Variants in SYNE2 observed in about 807,000 individuals in gnomAD.
SYNE2 encodes the protein spectrin repeat containing nuclear envelope protein 2.
A neutral mutation model predicts 856.3 loss-of-function variants in SYNE2; 431 were observed. That is an observed-to-expected ratio of 0.50 (90% CI 0.47 to 0.55). SYNE2 has a LOEUF of 0.55. SYNE2 is among the 20% of genes least tolerant of loss of function. The pLI is 0.00. For missense variants in SYNE2, 8,129 were observed against 8,023.2 expected (o/e 1.01, Z -0.50); for synonymous variants, 2,923 against 2,872.3 (o/e 1.02, Z -0.56).
At chr14:63,971,379 G>A (rs1186419312) in intron 11 of SYNE2, among the ~76,000 whole-genome samples, 1 of 152,042 alleles carries the variant, frequency 6.6e-6, no homozygotes, top group Non-Finnish European at 1.5e-5. Context: ...GCCTACTGAA[G>A]TGCTGGGATT....
chr14:64,173,692 T>G (rs946457091), intron 94 of SYNE2, among the ~76,000 whole-genome samples: 3 of 152,040 alleles, frequency 2.0e-5, no homozygotes, highest in African/African-American at 4.8e-5. Flanking sequence ...CACTGTAACC[T>G]CAAACTTCTG....
At chr14:63,766,933 A>G (rs1033539886) in intron 1 of SYNE2, among the ~76,000 whole-genome samples, 1 of 152,126 alleles carries the variant, frequency 6.6e-6, no homozygotes, top group African/African-American at 2.4e-5. Flanking sequence ...ACAAGATGCA[A>G]TGGGCAGAAG....
In SYNE2 at chr14:64,132,401, C is replaced by CA. The variant is rs758411243; in HGVS notation, c.14478dup (p.Arg4827ThrfsTer18). On this transcript the variant is annotated frameshift_variant, in exon 77 of 116. Coordinates refer to ENST00000555002, the MANE Select transcript of SYNE2 (RefSeq NM_182914.3). LOFTEE classifies it high-confidence loss of function. ...GAAGTTAAAATACTAGAAGAAAAGT[C>CA]ACGCCAATGTGGTATGAAGCTGCAG... 6.2e-7 allele frequency: 1 copy of CA among 1,614,130 alleles called. No individual in the cohort carries two copies. The highest frequency in any genetic ancestry group is 2.2e-5 in the East Asian group (1 of 44,882).
At chr14:64,062,538 C>T (rs1359350522) in intron 49 of SYNE2, among the ~76,000 whole-genome samples, 2 of 152,072 alleles carry the variant, frequency 1.3e-5, no homozygotes, top group Non-Finnish European at 2.9e-5. Context: ...ACGGCCCTTG[C>T]TTCCTTTTCA....
At chr14:63,874,089 T>C (rs1482291257) in intron 1 of SYNE2, 1 of 152,252 alleles carries the variant, frequency 6.6e-6, no homozygotes, top group Non-Finnish European at 1.5e-5. Flanking sequence ...TCTTCCTCTT[T>C]ATCCTGCTGT....
At chr14:63,791,331 C>T (rs141064902) in intron 1 of SYNE2, among the ~76,000 whole-genome samples, 1 of 152,144 alleles carries the variant, frequency 6.6e-6, no homozygotes, top group Non-Finnish European at 1.5e-5. Context: ...AAAGGTCTAA[C>T]TGAAATGCAA....
Position 64,190,068 on chromosome 14 carries a change from C to T in SYNE2, c.17872-3C>T. ...AGGCTTTATGTTTTGGTGCCTTTGCCAGGACTGCATGGAAGAAATAAACTT... is the reference window on the plus strand; with the variant it reads ...AGGCTTTATGTTTTGGTGCCTTTGCTAGGACTGCATGGAAGAAATAAACTT... On this transcript the variant is annotated splice_region_variant and splice_polypyrimidine_tract_variant and intron_variant, in intron 98 of 115. Transcript: ENST00000555002. 1.9e-6 allele frequency: 3 copies of T among 1,613,606 alleles called. No homozygotes were observed. Among genetic ancestry groups the T allele is most frequent in the Non-Finnish European group, 2.5e-6 (3 of 1,179,920 alleles).
intron 2 of SYNE2, among the ~76,000 whole-genome samples, chr14:63,917,914 G>A (rs2095551459): frequency 6.7e-6 from 1 of 149,904 alleles, no homozygotes; most frequent in Non-Finnish European, 1.5e-5. Context: ...CTTTGGTTCT[G>A]TTTTTGCCAG....
At chr14:64,113,839 C>T (rs1340333518) in intron 66 of SYNE2, among the ~76,000 whole-genome samples, 2 of 152,224 alleles carry the variant, frequency 1.3e-5, no homozygotes, top group South Asian at 4.1e-4. Context: ...ACTTCTCAGC[C>T]TCATTTTCCT....
chr14:63,990,719 A>C (rs1442724620), intron 20 of SYNE2, 150 bp downstream of exon 20: 3 of 820,872 alleles, frequency 3.7e-6, no homozygotes, highest in Non-Finnish European at 5.9e-6. Flanking sequence ...TTATAATTTA[A>C]AGCGTATCAG....
At chr14:63,852,611 T>C (rs933283083), upstream of SYNE2, among the ~76,000 whole-genome samples, 3 of 152,158 alleles carry the variant, frequency 2.0e-5, no homozygotes, top group Admixed American at 6.5e-5. Context: ...GACTTGCTCA[T>C]GGTCTGGTAG....
At chr14:64,191,020 T>C (rs2098516082) in intron 99 of SYNE2, 1 of 702,278 alleles carries the variant, frequency 1.4e-6, no homozygotes, top group Non-Finnish European at 2.6e-6. Context: ...GCCACACGGG[T>C]CCTTTCCATA....
At chr14:64,178,402 A>G (rs568042045) in intron 96 of SYNE2, among the ~76,000 whole-genome samples, 2 of 152,328 alleles carry the variant, frequency 1.3e-5, no homozygotes, top group South Asian at 4.1e-4. Flanking sequence ...GGTGTTCATC[A>G]TTCTTACACA....
chr14:64,208,610 A>C, intron 100 of SYNE2, 148 bp from the exon 101 acceptor site: 1 of 784,724 alleles, frequency 1.3e-6, no homozygotes, highest in Non-Finnish European at 2.2e-6. Flanking sequence ...GAGGGATTCC[A>C]TGTGTACTGC....
chr14:64,224,406 G>C lies in SYNE2; in HGVS notation c.20383-55G>C, dbSNP rs369499366. 2.9e-4 allele frequency: 384 copies of C among 1,309,166 alleles called. 20 individuals carry two copies. Among genetic ancestry groups the C allele is most frequent in the South Asian group, 1.7e-3 (144 of 84,420 alleles). The allele number at this position is 1,309,166 out of a possible 1,614,324, so 81.1% of individuals were successfully genotyped here. A position where few individuals can be genotyped will look rare whatever the true frequency, so the allele number is the denominator to read the frequency against. On this transcript the variant is annotated intron_variant, in intron 113 of 115. Transcript: ENST00000555002. ...GGTAGGGGAGGGTGAGCTATATCAT[G>C]AAGAATATGCATGAAACACATTTCT...
intron 1 of SYNE2, among the ~76,000 whole-genome samples, chr14:63,771,620 C>G (rs898160724): frequency 6.6e-6 from 1 of 152,044 alleles, no homozygotes; most frequent in South Asian, 2.1e-4. Flanking sequence ...AAACACAGGC[C>G]GGGCATGGTG....
Position 64,000,738 on chromosome 14 carries a change from T to G in SYNE2, c.3638+19T>G. ...ATACCAGGTAAAATTCTGAGATCTATTAACTATGAATCTAATAAACTCACT... is the reference window on the plus strand; with the variant it reads ...ATACCAGGTAAAATTCTGAGATCTAGTAACTATGAATCTAATAAACTCACT... On this transcript the variant is annotated intron_variant, in intron 28 of 115. Transcript: ENST00000555002. 1 of 1,604,446 alleles carries G rather than the reference T, an allele frequency of 6.2e-7. No individual in the cohort carries two copies. Among genetic ancestry groups the G allele is most frequent in the Non-Finnish European group, 8.5e-7 (1 of 1,174,568 alleles).
At chr14:63,888,380 G>C (rs1344721356) in intron 1 of SYNE2, among the ~76,000 whole-genome samples, 1 of 152,114 alleles carries the variant, frequency 6.6e-6, no homozygotes, top group Non-Finnish European at 1.5e-5. Context: ...GCTGGTCCCT[G>C]CTTCTCTCAC....
chr14:64,155,649 T>C (rs975726493), intron 85 of SYNE2, among the ~76,000 whole-genome samples: 4 of 151,636 alleles, frequency 2.6e-5, no homozygotes, highest in Admixed American at 6.6e-5. Context: ...AATGTAGGCC[T>C]GGCCCAGTGG....
Sources: gnomAD v4.1 joint callset for allele counts (sites outside exome capture counted in the v4.1 genomes callset) on GRCh38, gnomAD v4.1.1 for gene constraint, MANE v1.5 for transcripts, NCBI Gene and HGNC (gene_info 2026-07-23, HGNC 2026-07-21) for gene names.